The following MED12L variants were observed in gnomAD, a reference collection of about 807,000 sequenced individuals.
MED12L encodes the protein mediator complex subunit 12L, also known as mediator of RNA polymerase II transcription subunit 12-like protein.
A neutral mutation model predicts 281.3 loss-of-function variants in MED12L; 60 were observed. The observed-to-expected ratio is 0.21, with a 90% CI of 0.17 to 0.26. The LOEUF is 0.26. Ranked by LOEUF, MED12L falls within the 10% of genes least tolerant of loss-of-function variation. MED12L has a pLI of 1.00. For synonymous variants in MED12L, 974 were observed against 987.2 expected (o/e 0.99, Z 0.25); for missense variants, 2,146 against 2,680.9 (o/e 0.80, Z 4.41).
chr3:151,124,071 T>C lies in MED12L; in HGVS notation c.396+1097T>C, dbSNP rs548638173. ...GTCCCACTGTGGCCTATGAATTGTA[T>C]CTGAAGGCCATATAAGTCATAGGGC... On this transcript the variant is annotated intron_variant, in intron 4 of 44. Transcript: ENST00000687756. Among the ~76,000 whole-genome samples the C allele has an allele frequency of 8.5e-5, 13 of 152,376 alleles. No individual in the cohort carries two copies. The South Asian group carries it at 2.7e-3, about 32-fold the overall frequency.
rs528022502 is a variant in MED12L, at chr3:151,315,861, A to G, written c.2251-34198A>G. Among the ~76,000 whole-genome samples the G allele has an allele frequency of 2.6e-5, 4 of 152,276 alleles. No individual in the cohort carries two copies. In the East Asian group the frequency reaches 7.7e-4, roughly 29 times the overall value. ...TGATGTAAAATTCCATAGCAGATAA[A>G]TCTTAAAATAAGAAATCAAAAAGTC... On this transcript the variant is annotated intron_variant, in intron 16 of 44. Transcript: ENST00000687756.
In MED12L at chr3:151,163,895, T is replaced by G. The variant is rs1720338763; in HGVS notation, c.1110T>G (p.Thr370=). 6.2e-7 allele frequency: 1 copy of G among 1,611,662 alleles called. No individual in the cohort carries two copies. Among genetic ancestry groups the G allele is most frequent in the Non-Finnish European group, 8.5e-7 (1 of 1,178,538 alleles). ...AACTTTATCTGTTTCATTTCCAGAC[T>G]GTCACTCTCTGTTGCCCAAGTGCCT... ...LVYGLSCMLQ[T]VTLCCPSALV... The change falls in exon 9 of 45, where the codon ACT becomes ACG. Residue 370 remains threonine, a splice_region_variant and synonymous_variant. Transcript: ENST00000687756.
Position 151,130,340 on chromosome 3 carries a change from G to A in MED12L, c.556+2356G>A, listed in dbSNP as rs1223291442. The stretch of plus-strand genomic sequence containing the variant: ...TCTCTCAAAATCCTACATTCAGTCC[G>A]TCAACAATCTTGTCATCTTTACTTT... On this transcript the variant is annotated intron_variant, in intron 5 of 44. Transcript: ENST00000687756. Among the ~76,000 whole-genome samples the A allele has an allele frequency of 3.3e-5, 5 of 152,098 alleles. No homozygotes were observed. The East Asian group carries it at 5.8e-4, about 18-fold the overall frequency.
At chr3:151,319,144 C>T (rs1292372127) in intron 16 of MED12L, among the ~76,000 whole-genome samples, 3 of 152,068 alleles carry the variant, frequency 2.0e-5, no homozygotes, top group South Asian at 2.1e-4. Context: ...CTGGTCTTAC[C>T]TAACATTCCA....
At chr3:151,176,452 C>G (rs1722061751) in intron 11 of MED12L, among the ~76,000 whole-genome samples, 1 of 152,106 alleles carries the variant, frequency 6.6e-6, no homozygotes, top group Non-Finnish European at 1.5e-5. Context: ...TATATGAACA[C>G]TTAACTATAA....
chr3:151,316,237 A>C (rs1293752464), intron 16 of MED12L, among the ~76,000 whole-genome samples: 3 of 152,200 alleles, frequency 2.0e-5, no homozygotes, highest in Admixed American at 1.3e-4. Flanking sequence ...AACGATTATG[A>C]AACAAATTTT....
rs112843437 is a variant in MED12L at position 151,227,126 on chromosome 3, T to C, written c.2250+33460T>C. Among the ~76,000 whole-genome samples, 585 of 152,344 alleles carry C rather than the reference T, an allele frequency of 3.8e-3. 2 individuals carry two copies. Among genetic ancestry groups the C allele is most frequent in the Non-Finnish European group, 5.8e-3 (396 of 68,040 alleles). ...CCATCGACTTTACCTTCAGTTAGAATCCAGGTCAGTGACCAACATGTGTTA... is the reference window on the plus strand; with the variant it reads ...CCATCGACTTTACCTTCAGTTAGAACCCAGGTCAGTGACCAACATGTGTTA... On this transcript the variant is annotated intron_variant, in intron 16 of 44. Transcript: ENST00000687756.
Position 151,159,931 on chromosome 3 carries a change from C to G in MED12L, c.937C>G (p.Leu313Val), listed in dbSNP as rs540790020. The change falls in exon 8 of 45, where the codon CTT becomes GTT. Residue 313 changes from leucine (L) to valine (V), a missense_variant. This residue lies in a region of MED12L where 722 missense variants were observed against 861.2 expected (regional missense o/e 0.84). Transcript: ENST00000687756. ...SLLLSDSPNLLAAHSPHMMIG... is the reference protein window; with the variant it reads ...SLLLSDSPNLVAAHSPHMMIG... ...GCTGCTGAGCGATAGCCCCAACCTC[C>G]TTGCTGCCCACTCACCCCACATGAT... 6.2e-7 allele frequency: 1 copy of G among 1,614,212 alleles called. No individual in the cohort carries two copies. Among genetic ancestry groups the G allele is most frequent in the African/African-American group, 1.3e-5 (1 of 75,050 alleles).
At chr3:151,149,107 T>G (rs935920697) in intron 5 of MED12L, among the ~76,000 whole-genome samples, 2 of 152,170 alleles carry the variant, frequency 1.3e-5, no homozygotes, top group African/African-American at 4.8e-5. Flanking sequence ...GAGGACCTTA[T>G]GGTGTATTGA....
intron 23 of MED12L, among the ~76,000 whole-genome samples, chr3:151,366,636 A>G (rs921117808): frequency 1.3e-5 from 2 of 152,082 alleles, no homozygotes; most frequent in African/African-American, 2.4e-5. Context: ...TTTGTCGTAC[A>G]CTAGTATCTC....
At chr3:151,331,383 C>G (rs1227050524) in intron 16 of MED12L, among the ~76,000 whole-genome samples, 1 of 152,166 alleles carries the variant, frequency 6.6e-6, no homozygotes, top group African/African-American at 2.4e-5. Context: ...TCTTTCTTTT[C>G]TTATGACCTT....
At chr3:151,383,261 T>C (rs1370767114) in intron 33 of MED12L, among the ~76,000 whole-genome samples, 1 of 152,216 alleles carries the variant, frequency 6.6e-6, no homozygotes, top group Non-Finnish European at 1.5e-5. Context: ...ATGGCCTGCC[T>C]GATACTTTTG....
intron 43 of MED12L, among the ~76,000 whole-genome samples, chr3:151,420,113 C>G (rs1033400923): frequency 6.6e-6 from 1 of 152,154 alleles, no homozygotes; most frequent in African/African-American, 2.4e-5. Context: ...GTAGTCCTGT[C>G]TGGTTTGGGC....
chr3:151,118,602 C>T (rs1205470682), intron 3 of MED12L, among the ~76,000 whole-genome samples: 2 of 151,182 alleles, frequency 1.3e-5, no homozygotes, highest in Non-Finnish European at 2.9e-5. Flanking sequence ...AGTACATTTG[C>T]ATCGTTGTTG....
intron 16 of MED12L, among the ~76,000 whole-genome samples, chr3:151,296,992 T>C (rs1745191556): frequency 6.6e-6 from 1 of 152,210 alleles, no homozygotes; most frequent in South Asian, 2.1e-4. Flanking sequence ...CCTAAATTGC[T>C]GCTTGACATC....
At chr3:151,241,016 C>T (rs1009267898) in intron 16 of MED12L, among the ~76,000 whole-genome samples, 13 of 152,046 alleles carry the variant, frequency 8.6e-5, no homozygotes, top group African/African-American at 3.1e-4. Flanking sequence ...CCAAAAACAT[C>T]CAGTGAGATG....
intron 11 of MED12L, among the ~76,000 whole-genome samples, chr3:151,184,865 T>C (rs1337527667): frequency 6.6e-6 from 1 of 152,186 alleles, no homozygotes; most frequent in African/African-American, 2.4e-5. Context: ...AATTTTGTAT[T>C]GGAGTGGGTC....
intron 16 of MED12L, among the ~76,000 whole-genome samples, chr3:151,216,891 G>T (rs1728344161): frequency 6.6e-6 from 1 of 152,092 alleles, no homozygotes; most frequent in South Asian, 2.1e-4. Flanking sequence ...GATGCATTTT[G>T]GTTTAAATGC....
intron 16 of MED12L, among the ~76,000 whole-genome samples, chr3:151,216,741 A>G (rs745493612): frequency 6.6e-6 from 1 of 152,112 alleles, no homozygotes; most frequent in Non-Finnish European, 1.5e-5. Context: ...TAGGTCTTCT[A>G]TCGCCTTTCT....
Sources: gnomAD v4.1 joint callset for allele counts (sites outside exome capture counted in the v4.1 genomes callset) on GRCh38, gnomAD v4.1.1 for gene constraint, gnomAD v4.1.1 regional missense constraint, MANE v1.5 for transcripts, NCBI Gene and HGNC (gene_info 2026-07-23, HGNC 2026-07-21) for gene names.